CLYBL: variants seen among roughly 807,000 people sequenced by gnomAD.
CLYBL encodes citramalyl-CoA lyase, mitochondrial.
Under a neutral mutation model 38.9 loss-of-function variants are expected in CLYBL, and 31 were observed. The ratio of observed to expected loss-of-function variants is 0.80; its 90% CI spans 0.60 to 1.08. CLYBL has a LOEUF of 1.08. Ranked by LOEUF, CLYBL falls within the 50% of genes least tolerant of loss-of-function variation. The pLI is 0.00. For synonymous variants in CLYBL, 171 were observed against 158.6 expected (o/e 1.08, Z -0.59); for missense variants, 434 against 411.6 (o/e 1.05, Z -0.47).
In CLYBL at chr13:99,866,233, T is replaced by G; in HGVS notation, c.635-7T>G. The G allele has an allele frequency of 6.2e-7, 1 of 1,612,834 alleles. No individual in the cohort carries two copies. The highest frequency in any genetic ancestry group is 1.1e-5 in the South Asian group (1 of 90,848). ...GCCTCCTTTTTCTGTTAACATCCCA[T>G]TTTCAGGTGCAACAAGTAGTAAAGA... On this transcript the variant is annotated splice_polypyrimidine_tract_variant and splice_region_variant and intron_variant, in intron 5 of 8. Transcript: ENST00000339105.
chr13:99,878,835 A>G (rs980641679), intron 7 of CLYBL, among the ~76,000 whole-genome samples: 3 of 152,214 alleles, frequency 2.0e-5, no homozygotes, highest in Non-Finnish European at 4.4e-5. Flanking sequence ...GAAAACAAAG[A>G]CTTGCCTACT....
At chr13:99,841,563 C>G (rs2051078869) in intron 2 of CLYBL, among the ~76,000 whole-genome samples, 1 of 151,760 alleles carries the variant, frequency 6.6e-6, no homozygotes, top group Non-Finnish European at 1.5e-5. Flanking sequence ...CCACGCCTGG[C>G]TAATTTTTAT....
intron 1 of CLYBL, among the ~76,000 whole-genome samples, chr13:99,727,843 C>A (rs899764102): frequency 6.6e-6 from 1 of 152,000 alleles, no homozygotes; most frequent in Non-Finnish European, 1.5e-5. Flanking sequence ...TTTGAGAGGC[C>A]GAGGTGGGCG....
chr13:99,760,976 A>G (rs543386436), intron 1 of CLYBL, among the ~76,000 whole-genome samples: 2 of 152,246 alleles, frequency 1.3e-5, no homozygotes, highest in South Asian at 4.1e-4. Context: ...TCTTTATCAA[A>G]CCATATATTT....
At chr13:99,644,223 G>A (rs1472993938) in intron 1 of CLYBL, among the ~76,000 whole-genome samples, 1 of 151,670 alleles carries the variant, frequency 6.6e-6, no homozygotes. Context: ...TGTGGTGTAT[G>A]TATATGTGGT....
intron 2 of CLYBL, among the ~76,000 whole-genome samples, chr13:99,857,404 C>G (rs546671524): frequency 4.6e-5 from 7 of 152,122 alleles, no homozygotes; most frequent in Non-Finnish European, 8.8e-5. Flanking sequence ...TGGAATAAAA[C>G]AAAGGTATGA....
chr13:99,644,921 G>A (rs530939539), intron 1 of CLYBL, among the ~76,000 whole-genome samples: 7 of 152,262 alleles, frequency 4.6e-5, no homozygotes, highest in African/African-American at 1.7e-4. Context: ...TTTAGCTACC[G>A]ATGGCCCCTT....
chr13:99,888,792 T>C (rs9557325), intron 7 of CLYBL, among the ~76,000 whole-genome samples: 42,183 of 151,840 alleles, frequency 0.28, 6,161 homozygotes, highest in East Asian at 0.4. Flanking sequence ...TAAGGAAGAT[T>C]TCAAACCCTC....
intron 2 of CLYBL, among the ~76,000 whole-genome samples, chr13:99,788,543 A>G (rs2138876311): frequency 6.6e-6 from 1 of 152,288 alleles, no homozygotes; most frequent in South Asian, 2.1e-4. Context: ...CATCCCAGGG[A>G]TGAAGCCCAC....
intron 2 of CLYBL, among the ~76,000 whole-genome samples, chr13:99,824,546 A>G (rs1227792314): frequency 1.3e-5 from 2 of 152,152 alleles, no homozygotes; most frequent in Admixed American, 6.5e-5. Flanking sequence ...CTTAAAGTCT[A>G]ATTAATTAGT....
intron 2 of CLYBL, among the ~76,000 whole-genome samples, chr13:99,808,751 A>C (rs1472154813): frequency 1.3e-5 from 2 of 152,244 alleles, no homozygotes; most frequent in African/African-American, 2.4e-5. Flanking sequence ...AAGGCAGGTG[A>C]ATTTTTGAAT....
intron 1 of CLYBL, among the ~76,000 whole-genome samples, chr13:99,758,887 G>A (rs1346184982): frequency 6.6e-6 from 1 of 152,184 alleles, no homozygotes; most frequent in African/African-American, 2.4e-5. Flanking sequence ...GAACCTCTGG[G>A]GATGCCCTTT....
At chr13:99,810,558 A>G (rs721922) in intron 2 of CLYBL, among the ~76,000 whole-genome samples, 19,480 of 152,156 alleles carry the variant, frequency 0.13, 1,847 homozygotes, top group East Asian at 0.41. Context: ...GTCATGCAGG[A>G]TGAGCCTAGA....
chr13:99,872,885 A>G (rs2051943707), intron 7 of CLYBL, among the ~76,000 whole-genome samples: 1 of 152,118 alleles, frequency 6.6e-6, no homozygotes, highest in African/African-American at 2.4e-5. Context: ...TCCCTGGGAA[A>G]ACGCTCCCAA....
chr13:99,841,154 G>A (rs1357317084), intron 2 of CLYBL, among the ~76,000 whole-genome samples: 1 of 152,070 alleles, frequency 6.6e-6, no homozygotes, highest in South Asian at 2.1e-4. Context: ...ATTTTTTATC[G>A]AGAGGTGGAG....
At chr13:99,723,529 A>G (rs143632064) in intron 1 of CLYBL, among the ~76,000 whole-genome samples, 2 of 152,318 alleles carry the variant, frequency 1.3e-5, no homozygotes, top group Admixed American at 6.5e-5. Context: ...CCAATCTGAA[A>G]TTTAGATTAA....
At chr13:99,633,487 ATGGCACCAC>A (rs2046977299) in intron 1 of CLYBL, among the ~76,000 whole-genome samples, 1 of 148,852 alleles carries the variant, frequency 6.7e-6, no homozygotes, top group African/African-American at 2.5e-5. Flanking sequence ...GTGAGCCAAG[ATGGCACCAC>A]TGTACTCCAG....
chr13:99,644,944 A>T (rs2047155445), intron 1 of CLYBL, among the ~76,000 whole-genome samples: 1 of 152,198 alleles, frequency 6.6e-6, no homozygotes, highest in African/African-American at 2.4e-5. Context: ...GTTGCTCCCA[A>T]ATCTTTGCTA....
chr13:99,667,026 G>A (rs758642535), intron 1 of CLYBL, among the ~76,000 whole-genome samples: 11 of 152,116 alleles, frequency 7.2e-5, no homozygotes, highest in Non-Finnish European at 1.2e-4. Flanking sequence ...CTGAAGACAC[G>A]TTAGAGGTCT....
Sources: gnomAD v4.1 joint callset for allele counts (sites outside exome capture counted in the v4.1 genomes callset) on GRCh38, gnomAD v4.1.1 for gene constraint, MANE v1.5 for transcripts, NCBI Gene and HGNC (gene_info 2026-07-23, HGNC 2026-07-21) for gene names.